PHRF1: variants seen among roughly 807,000 people sequenced by gnomAD.
PHRF1 encodes PHD and RING finger domain-containing protein 1.
In PHRF1, 53 loss-of-function variants were observed where a neutral mutation model predicts 128.9. The observed-to-expected ratio is 0.41, with a 90% CI of 0.33 to 0.52. PHRF1 has a LOEUF of 0.52. Among genes scored for constraint, PHRF1 ranks in the 20% least tolerant of loss-of-function variants. The pLI is 0.21. For synonymous variants in PHRF1, 1,178 were observed against 980.6 expected, an observed-to-expected ratio of 1.20 and a Z score of -3.76; for missense variants, 2,503 against 2,284.5, an observed-to-expected ratio of 1.10 and a Z score of -1.95.
chr11:582,610 T>C (rs949303780), intron 3 of PHRF1, among the ~76,000 whole-genome samples: 22 of 152,048 alleles, frequency 1.4e-4, no homozygotes, highest in Admixed American at 1.1e-3. Context: ...CTGCAAGCTC[T>C]GCCTCCTGGG....
intron 3 of PHRF1, among the ~76,000 whole-genome samples, chr11:585,556 C>T (rs78164018): frequency 5.2e-4 from 43 of 83,490 alleles, no homozygotes; most frequent in African/African-American, 1.3e-3. Flanking sequence ...AGGTAGTAGC[C>T]CTTTCCAGCT....
chr11:591,312 A>G, intron 4 of PHRF1, 72 bp from the exon 5 acceptor site: 1 of 1,329,096 alleles, frequency 7.5e-7, no homozygotes, highest in South Asian at 1.3e-5. Flanking sequence ...CTTGATTTTC[A>G]GTGTAAAAGA....
chr11:605,123 A>T lies in PHRF1; in HGVS notation c.1157A>T (p.Glu386Val), dbSNP rs777599565. ...KKRRGKKVKS[E>V]ATTRSRIART... is the part of the protein sequence containing the mutation. ...TTTCTTTGTTACTGGATTCAGAGTG[A>T]AGCCACCACTCGCTCTCGAATCGCG... is the stretch of plus-strand genomic sequence containing the variant. Residue 386 changes from glutamate (E) to valine (V), a missense_variant, in exon 11 of 18, where the codon GAA becomes GTA. Coordinates refer to ENST00000264555, the MANE Select transcript of PHRF1 (RefSeq NM_001286581.2). 5.0e-6 allele frequency: 8 copies of T among 1,607,400 alleles called. No homozygotes were observed. The Admixed American group carries it at 6.7e-5, about 13-fold the overall frequency.
At chr11:606,757 T>C in intron 13 of PHRF1, 161 bp downstream of exon 13, 1 of 1,133,890 alleles carries the variant, frequency 8.8e-7, no homozygotes, top group Non-Finnish European at 1.2e-6. Context: ...TTGAGCAGTT[T>C]CTCAGTTAGC....
In PHRF1 at chr11:608,399, C is replaced by T. The variant is rs747233400; in HGVS notation, c.2943C>T (p.Thr981=). Residue 981 remains threonine (T), a synonymous_variant, in exon 14 of 18, where the codon ACC becomes ACT. Transcript: ENST00000264555. The stretch of plus-strand genomic sequence containing the variant: ...GCCCGGACGTGCTGCAGGCTGCCAC[C>T]CACAGAGTCGTGGAGCTCAGGCCCC... The part of the protein sequence containing the change: ...PPSPDVLQAA[T]HRVVELRPPS... 6.2e-7 allele frequency: 1 copy of T among 1,611,680 alleles called. No homozygotes were observed.
At chr11:577,947 G>A (rs986894667) in intron 1 of PHRF1, among the ~76,000 whole-genome samples, 1 of 152,258 alleles carries the variant, frequency 6.6e-6, no homozygotes, top group Non-Finnish European at 1.5e-5. Context: ...GGCTAAGCAG[G>A]AGAGTCACAG....
Position 611,753 on chromosome 11 carries a change from G to A in PHRF1, c.4926G>A (p.Pro1642=), listed in dbSNP as rs1232091409. 2.5e-6 allele frequency: 4 copies of A among 1,609,766 alleles called. No homozygotes were observed. The highest frequency in any genetic ancestry group is 1.3e-5 in the African/African-American group (1 of 74,898). The change falls in exon 18 of 18, where the codon CCG becomes CCA. Residue 1642 remains proline (P), a synonymous_variant. Transcript: ENST00000264555. ...AGAAACCAGAGGCCGGGGAGGAGCC[G>A]CCCACGCAGGGGGCCGAGGGCTGAG... ...RHKKPEAGEE[P]PTQGAEG
chr11:595,301 T>TAAAAACA (rs766680269), intron 6 of PHRF1, among the ~76,000 whole-genome samples: 1 of 152,090 alleles, frequency 6.6e-6, no homozygotes, highest in Admixed American at 6.5e-5. Context: ...CCAGAGAGAC[T>TAAAAACA]AAAAACAAAA....
chr11:586,784 C>G (rs1283579787), intron 3 of PHRF1, among the ~76,000 whole-genome samples: 9 of 152,078 alleles, frequency 5.9e-5, no homozygotes, highest in Non-Finnish European at 1.2e-4. Context: ...GAACAGGCAA[C>G]CTCAGAAGGA....
chr11:603,729 G>GTTT (rs71022937), intron 10 of PHRF1, among the ~76,000 whole-genome samples: 1,059 of 78,028 alleles, frequency 0.014, 4 homozygotes, highest in East Asian at 0.018. Flanking sequence ...ATTTAAGTTT[G>GTTT]TTTTTTTTTT....
chr11:595,314 CAA>C (rs375972665), intron 6 of PHRF1, among the ~76,000 whole-genome samples: 2 of 152,114 alleles, frequency 1.3e-5, no homozygotes, highest in Middle Eastern at 3.4e-3. Context: ...AAACAAAAAA[CAA>C]AAAAACACTA....
rs578039957 is a variant in PHRF1, at chr11:577,167, T to G, written c.-22+575T>G. The stretch of plus-strand genomic sequence containing the variant: ...TTTTCCTATTCCTTAACTCTTGCAG[T>G]CCTCACAAGAGCCTCTCAGGTGTAG... On this transcript the variant is annotated intron_variant, in intron 1 of 17. Transcript: ENST00000264555. 9.6e-4 allele frequency among the ~76,000 whole-genome samples: 146 copies of G among 152,272 alleles called. 1 individual carries two copies. The highest frequency in any genetic ancestry group is 3.2e-3 in the African/African-American group (134 of 41,572).
chr11:605,565 G>A (rs1332589634), intron 11 of PHRF1, 40 bp from the exon 12 acceptor site: 1 of 1,604,190 alleles, frequency 6.2e-7, no homozygotes, highest in South Asian at 1.1e-5. Flanking sequence ...CTGGGAGCTG[G>A]GAGTCACTTG....
At chr11:582,310 G>C (rs902273173) in intron 3 of PHRF1, among the ~76,000 whole-genome samples, 7 of 150,352 alleles carry the variant, frequency 4.7e-5, no homozygotes, top group African/African-American at 1.7e-4. Flanking sequence ...TGTTGCCCAG[G>C]CTGGAGTACA....
At chr11:604,957 G>T (rs1855856068) in intron 10 of PHRF1, among the ~76,000 whole-genome samples, 162 bp from the exon 11 acceptor site, 1 of 152,246 alleles carries the variant, frequency 6.6e-6, no homozygotes. Context: ...CATTGTTCCT[G>T]CTTGTCGGTC....
Position 587,455 on chromosome 11 carries a change from A to G in PHRF1, c.411A>G (p.Glu137=). The G allele has an allele frequency of 6.2e-7, 1 of 1,613,120 alleles. No homozygotes were observed. Among genetic ancestry groups the G allele is most frequent in the Non-Finnish European group, 8.5e-7 (1 of 1,179,876 alleles). The change falls in exon 4 of 18, where the codon GAA becomes GAG. Residue 137 remains glutamate, a synonymous_variant. Transcript: ENST00000264555. The part of the protein sequence containing the change: ...AHYFCLDCIV[E]WSKNANSCPV... ...ACTTCTGCCTGGACTGCATTGTCGAATGGTCCAAGGTGAGTTCACCTCTGG... is the reference window on the plus strand; with the variant it reads ...ACTTCTGCCTGGACTGCATTGTCGAGTGGTCCAAGGTGAGTTCACCTCTGG...
At chr11:610,101 C>T (rs952880225) in intron 14 of PHRF1, 95 bp from the exon 15 acceptor site, 43 of 1,423,690 alleles carry the variant, frequency 3.0e-5, no homozygotes, top group Non-Finnish European at 3.8e-5. Context: ...GTGGTCCTTG[C>T]TCCTGGTGCT....
intron 13 of PHRF1, 97 bp from the exon 14 acceptor site, chr11:606,969 A>G (rs760032665): frequency 3.0e-4 from 443 of 1,501,320 alleles, no homozygotes; most frequent in Non-Finnish European, 3.8e-4. Flanking sequence ...TTTAAAGCGC[A>G]CGACCTCACA....
Position 591,413 on chromosome 11 carries a change from T to G in PHRF1, c.450T>G (p.Thr150=), listed in dbSNP as rs1166954132. ...KNANSCPVDR[T]LFKCICIRAQ... Reference sequence around the variant, plus strand: ...CCAATTCCTGTCCAGTTGATCGAACTCTATTTAAGTGCATTTGTATTCGAG... The same window carrying G: ...CCAATTCCTGTCCAGTTGATCGAACGCTATTTAAGTGCATTTGTATTCGAG... Residue 150 remains threonine (T), a synonymous_variant, in exon 5 of 18, where the codon ACT becomes ACG. Transcript: ENST00000264555. The G allele has an allele frequency of 4.3e-6, 7 of 1,609,960 alleles. No homozygotes were observed. Among genetic ancestry groups the G allele is most frequent in the African/African-American group, 1.3e-5 (1 of 74,662 alleles).
Sources: gnomAD v4.1 joint callset for allele counts (sites outside exome capture counted in the v4.1 genomes callset) on GRCh38, gnomAD v4.1.1 for gene constraint, MANE v1.5 for transcripts, NCBI Gene and HGNC (gene_info 2026-07-23, HGNC 2026-07-21) for gene names.